Variants in PLD1 observed in about 807,000 individuals in gnomAD.
PLD1 encodes choline phosphatase 1.
In PLD1, 112 loss-of-function variants were observed where a neutral mutation model predicts 137.1. The observed-to-expected ratio is 0.82, with a 90% CI of 0.70 to 0.96. The LOEUF (loss-of-function observed/expected upper bound fraction) is 0.96. Among genes scored for constraint, PLD1 ranks in the 40% least tolerant of loss-of-function variants. The pLI is 0.00. For missense variants in PLD1, 1,321 were observed against 1,342.0 expected (o/e 0.98, Z 0.24); for synonymous variants, 431 against 454.7 (o/e 0.95, Z 0.66).
chr3:171,604,588 C>T (rs978497074), intron 26 of PLD1, among the ~76,000 whole-genome samples: 2 of 152,054 alleles, frequency 1.3e-5, no homozygotes, highest in African/African-American at 4.8e-5. Context: ...AGCTACTTTT[C>T]GAAGTAAGCT....
intron 6 of PLD1, among the ~76,000 whole-genome samples, chr3:171,727,234 C>G (rs903939193): frequency 6.6e-6 from 1 of 152,052 alleles, no homozygotes; most frequent in Non-Finnish European, 1.5e-5. Flanking sequence ...TTAGAGAAGT[C>G]AAGTAAGTTG....
intron 19 of PLD1, among the ~76,000 whole-genome samples, chr3:171,670,627 T>C (rs925681058): frequency 3.3e-5 from 5 of 152,262 alleles, no homozygotes; most frequent in Non-Finnish European, 7.3e-5. Context: ...TCTTGGAATT[T>C]AAGAGTTCAT....
chr3:171,706,265 C>CT (rs11456818), intron 11 of PLD1, among the ~76,000 whole-genome samples: 25,869 of 145,832 alleles, frequency 0.18, 2,329 homozygotes, highest in South Asian at 0.24. Flanking sequence ...CTATGCCATT[C>CT]TTTTTTTTTT....
intron 11 of PLD1, among the ~76,000 whole-genome samples, chr3:171,704,036 C>G (rs994046753): frequency 6.6e-6 from 1 of 152,132 alleles, no homozygotes; most frequent in Non-Finnish European, 1.5e-5. Context: ...AAAAGGGAAG[C>G]CATGGGAAAC....
chr3:171,752,184 GT>G (rs1166047706), intron 1 of PLD1, among the ~76,000 whole-genome samples: 9 of 152,304 alleles, frequency 5.9e-5, no homozygotes, highest in Non-Finnish European at 1.2e-4. Flanking sequence ...CCAGCTTACA[GT>G]TTTTGTTTAG....
At chr3:171,670,474 G>T (rs9836712) in intron 19 of PLD1, among the ~76,000 whole-genome samples, 70,450 of 152,068 alleles carry the variant, frequency 0.46, 16,685 homozygotes, top group African/African-American at 0.54. Context: ...GTTCCTGAAG[G>T]GAGCAATTCA....
chr3:171,622,478 C>A (rs947421031), intron 23 of PLD1, among the ~76,000 whole-genome samples: 1 of 151,944 alleles, frequency 6.6e-6, no homozygotes, highest in Non-Finnish European at 1.5e-5. Context: ...ATGAGGAAAT[C>A]CATTATTAGA....
intron 1 of PLD1, among the ~76,000 whole-genome samples, chr3:171,804,953 A>G (rs1723790050): frequency 6.6e-6 from 1 of 152,050 alleles, no homozygotes; most frequent in Non-Finnish European, 1.5e-5. Flanking sequence ...CTCCCTTTCT[A>G]CGGCTTTCCT....
In PLD1 at chr3:171,750,428, T is replaced by C. The variant is rs145440748; in HGVS notation, c.-31-12346A>G. Among the ~76,000 whole-genome samples the C allele has an allele frequency of 6.2e-3, 947 of 151,952 alleles. 7 individuals carry two copies. Among genetic ancestry groups the C allele is most frequent in the African/African-American group, 0.022 (907 of 41,414 alleles). On this transcript the variant is annotated intron_variant, in intron 1 of 26. Coordinates refer to ENST00000351298, the MANE Select transcript of PLD1 (RefSeq NM_002662.5). ...TTTAAAAATCTAACAAGCATATAAT[T>C]TGAATCCCAGAAAGATAGGGTAAAG...
intron 19 of PLD1, among the ~76,000 whole-genome samples, chr3:171,668,896 C>T (rs1560198085): frequency 6.6e-6 from 1 of 152,170 alleles, no homozygotes; most frequent in Non-Finnish European, 1.5e-5. Context: ...ATTCTAGTTC[C>T]TTCACCTTCT....
chr3:171,703,500 G>T (rs374080036), intron 11 of PLD1, among the ~76,000 whole-genome samples: 2 of 151,946 alleles, frequency 1.3e-5, no homozygotes, highest in Non-Finnish European at 2.9e-5. Flanking sequence ...CAAGCTATAA[G>T]GTAAATACAC....
At chr3:171,709,959 T>C (rs1374024251) in intron 9 of PLD1, among the ~76,000 whole-genome samples, 1 of 152,238 alleles carries the variant, frequency 6.6e-6, no homozygotes, top group Non-Finnish European at 1.5e-5. Context: ...TAGAGCTGTG[T>C]GCTAGGCCAT....
chr3:171,780,643 A>T (rs1722762183), intron 1 of PLD1, among the ~76,000 whole-genome samples: 1 of 152,208 alleles, frequency 6.6e-6, no homozygotes, highest in South Asian at 2.1e-4. Context: ...GAGATCAATT[A>T]TGTCAAAGGA....
At chr3:171,704,476 A>AC (rs1553827021) in intron 11 of PLD1, among the ~76,000 whole-genome samples, 4 of 151,660 alleles carry the variant, frequency 2.6e-5, no homozygotes, top group Non-Finnish European at 4.4e-5. Context: ...AAAAAAAAAA[A>AC]ACCTTATCTT....
At chr3:171,687,617 G>T in intron 14 of PLD1, 33 bp from the exon 15 acceptor site, 1 of 1,377,266 alleles carries the variant, frequency 7.3e-7, no homozygotes, top group Non-Finnish European at 1.0e-6. Context: ...AAAAGACACT[G>T]CATAAGACAT....
intron 6 of PLD1, among the ~76,000 whole-genome samples, chr3:171,728,493 T>C (rs926722324): frequency 2.0e-5 from 3 of 152,198 alleles, no homozygotes; most frequent in Non-Finnish European, 4.4e-5. Context: ...ATCCAAAATA[T>C]TTTAAAATCC....
chr3:171,649,799 C>G (rs192009231), intron 21 of PLD1, among the ~76,000 whole-genome samples: 1 of 151,950 alleles, frequency 6.6e-6, no homozygotes, highest in Admixed American at 6.6e-5. Flanking sequence ...GGCAGTGCTA[C>G]GTATAATAGC....
At position 171,605,379 on chromosome 3, in the gene PLD1, T is replaced by A; in HGVS notation, c.2920A>T (p.Ile974Phe). 3 of 1,613,730 alleles carry A rather than the reference T, an allele frequency of 1.9e-6. No individual in the cohort carries two copies. Among genetic ancestry groups the A allele is most frequent in the East Asian group, 2.2e-5 (1 of 44,874 alleles). Residue 974 changes from isoleucine to phenylalanine, a missense_variant, in exon 26 of 27, where the codon ATT becomes TTT. Physicochemically the swap from Ile to Phe is conservative, Grantham distance 21. Coordinates refer to ENST00000351298, the MANE Select transcript of PLD1 (RefSeq NM_002662.5). Reference sequence around the variant, plus strand: ...AATTTGTCACTCACTGGATCCTGAATGTCCTCACTTGGGTCATCAAGATAG... The same window carrying A: ...AATTTGTCACTCACTGGATCCTGAAAGTCCTCACTTGGGTCATCAAGATAG... ...LGYLDDPSED[I>F]QDPVSDKFFK...
intron 16 of PLD1, among the ~76,000 whole-genome samples, chr3:171,678,965 A>G (rs1395834775): frequency 6.6e-6 from 1 of 152,216 alleles, no homozygotes; most frequent in Admixed American, 6.5e-5. Flanking sequence ...TCATCCTTCA[A>G]GAGCCACATT....
Sources: gnomAD v4.1 joint callset for allele counts (sites outside exome capture counted in the v4.1 genomes callset) on GRCh38, gnomAD v4.1.1 for gene constraint, MANE v1.5 for transcripts, NCBI Gene and HGNC (gene_info 2026-07-23, HGNC 2026-07-21) for gene names.